VPS13A: variants seen among roughly 807,000 people sequenced by gnomAD.
The protein encoded by VPS13A is intermembrane lipid transfer protein VPS13A.
A neutral mutation model predicts 390.9 loss-of-function variants in VPS13A; 264 were observed. The ratio of observed to expected loss-of-function variants is 0.68; its 90% CI spans 0.61 to 0.75. The LOEUF is 0.75. Ranked by LOEUF, VPS13A falls within the 30% of genes least tolerant of loss-of-function variation. The pLI is 0.00. For synonymous variants in VPS13A, 1,231 were observed against 1,227.1 expected, an observed-to-expected ratio of 1.00 and a Z score of -0.07; for missense variants, 3,409 against 3,733.9, an observed-to-expected ratio of 0.91 and a Z score of 2.27.
At chr9:77,310,376 G>A (rs1829001070) in intron 35 of VPS13A, among the ~76,000 whole-genome samples, 1 of 152,146 alleles carries the variant, frequency 6.6e-6, no homozygotes, top group Non-Finnish European at 1.5e-5. Context: ...AAGAAAAATA[G>A]CATGAATTCC....
At chr9:77,367,897 G>A (rs537648037) in intron 61 of VPS13A, among the ~76,000 whole-genome samples, 158 bp from the exon 62 acceptor site, 2 of 152,290 alleles carry the variant, frequency 1.3e-5, no homozygotes, top group East Asian at 3.9e-4. Flanking sequence ...GATATGCAGA[G>A]ATGTATGTAA....
chr9:77,181,482 C>T (rs1477137873), intron 1 of VPS13A, among the ~76,000 whole-genome samples: 4 of 145,838 alleles, frequency 2.7e-5, no homozygotes, highest in Non-Finnish European at 4.5e-5. Context: ...CACCATTGCC[C>T]TCTAGCCTGG....
intron 23 of VPS13A, among the ~76,000 whole-genome samples, chr9:77,265,039 A>G (rs946843481): frequency 6.6e-6 from 1 of 152,204 alleles, no homozygotes; most frequent in South Asian, 2.1e-4. Flanking sequence ...CCTTTTCCGC[A>G]TCTATTGAGG....
chr9:77,310,401 A>T (rs764238990), intron 35 of VPS13A, among the ~76,000 whole-genome samples: 5 of 152,234 alleles, frequency 3.3e-5, no homozygotes, highest in Non-Finnish European at 7.3e-5. Context: ...AGTATGTAGG[A>T]TACAGAGTTA....
At chr9:77,264,829 C>T (rs552522917) in intron 23 of VPS13A, among the ~76,000 whole-genome samples, 1 of 152,306 alleles carries the variant, frequency 6.6e-6, no homozygotes, top group South Asian at 2.1e-4. Context: ...ACTTCCAATA[C>T]TATGTTGAAT....
At chr9:77,270,793 T>C (rs1826309220) in intron 23 of VPS13A, among the ~76,000 whole-genome samples, 1 of 152,248 alleles carries the variant, frequency 6.6e-6, no homozygotes, top group South Asian at 2.1e-4. Flanking sequence ...TTTCAACATA[T>C]GGTTCTGAAA....
intron 13 of VPS13A, 129 bp downstream of exon 13, chr9:77,221,485 T>C: frequency 2.9e-6 from 3 of 1,018,318 alleles, no homozygotes; most frequent in Non-Finnish European, 4.3e-6. Context: ...CTTAGACTTT[T>C]TTGTGCTTCT....
intron 1 of VPS13A, among the ~76,000 whole-genome samples, chr9:77,196,282 G>T (rs1824995817): frequency 6.6e-6 from 1 of 152,092 alleles, no homozygotes; most frequent in Non-Finnish European, 1.5e-5. Context: ...AAATCAAATT[G>T]GTATTTAGAA....
At chr9:77,391,559 T>C (rs984321126) in intron 68 of VPS13A, among the ~76,000 whole-genome samples, 6 of 152,200 alleles carry the variant, frequency 3.9e-5, no homozygotes, top group African/African-American at 1.4e-4. Flanking sequence ...ATGATGACTC[T>C]AATGAATTGT....
At chr9:77,255,842 T>C (rs1254785062) in intron 22 of VPS13A, among the ~76,000 whole-genome samples, 2 of 152,090 alleles carry the variant, frequency 1.3e-5, no homozygotes, top group Non-Finnish European at 2.9e-5. Context: ...GTAAAATGAG[T>C]AGTAATGTTA....
chr9:77,400,223 A>ATTTTTTTTTTTTTTTTTTTTTTTTTTT (rs34605855), intron 68 of VPS13A, among the ~76,000 whole-genome samples: 2 of 88,118 alleles, frequency 2.3e-5, no homozygotes, highest in African/African-American at 5.1e-5. Flanking sequence ...TATCAGTCAG[A>ATTTTTTTTTTTTTTTTTTTTTTTTTTT]TTTTTTTTTT....
At chr9:77,353,377 GTT>G (rs368165342) in intron 53 of VPS13A, 30 bp from the exon 54 acceptor site, 2,511 of 1,260,566 alleles carry the variant, frequency 2.0e-3, no homozygotes, top group Non-Finnish European at 2.2e-3. Flanking sequence ...TAATTTTTTG[GTT>G]TTTTTTTTTT....
chr9:77,291,601 G>T (rs1332201537), intron 31 of VPS13A, among the ~76,000 whole-genome samples: 1 of 152,084 alleles, frequency 6.6e-6, no homozygotes, highest in Non-Finnish European at 1.5e-5. Flanking sequence ...CTCAGATTTT[G>T]CTCCGTGCTG....
At chr9:77,366,956 G>A (rs930787194) in intron 61 of VPS13A, 84 bp downstream of exon 61, 1 of 1,429,482 alleles carries the variant, frequency 7.0e-7, no homozygotes, top group African/African-American at 1.4e-5. Flanking sequence ...GAAAAAGTGT[G>A]TGAAGTACGT....
chr9:77,347,975 A>G (rs1831246134), intron 52 of VPS13A, among the ~76,000 whole-genome samples: 1 of 152,176 alleles, frequency 6.6e-6, no homozygotes, highest in Non-Finnish European at 1.5e-5. Flanking sequence ...AAGAAACAAC[A>G]GATGATGGCA....
At chr9:77,283,730 C>T (rs1016559587) in intron 31 of VPS13A, 80 bp downstream of exon 31, 1 of 1,197,634 alleles carries the variant, frequency 8.3e-7, no homozygotes, top group African/African-American at 1.5e-5. Context: ...ATCATTTGGA[C>T]ATTTGTCAGA....
chr9:77,217,040 A>G (rs541883413), intron 10 of VPS13A, among the ~76,000 whole-genome samples: 37 of 152,294 alleles, frequency 2.4e-4, no homozygotes, highest in Non-Finnish European at 4.9e-4. Flanking sequence ...TGGCAACACC[A>G]TCAGACACAC....
chr9:77,266,245 G>A (rs1053349743), intron 23 of VPS13A, among the ~76,000 whole-genome samples: 2 of 152,214 alleles, frequency 1.3e-5, no homozygotes, highest in Non-Finnish European at 2.9e-5. Flanking sequence ...ATGTGATGTG[G>A]TTCTGAGAAG....
At chr9:77,297,214 ATTTCT>A (rs1340856441) in intron 33 of VPS13A, among the ~76,000 whole-genome samples, 1 of 151,684 alleles carries the variant, frequency 6.6e-6, no homozygotes, top group African/African-American at 2.4e-5. Flanking sequence ...GATTTGAAAC[ATTTCT>A]TCTTTTCTAA....
Sources: allele counts gnomAD v4.1 joint callset (sites outside exome capture counted in the v4.1 genomes callset), GRCh38; gene constraint gnomAD v4.1.1; transcripts MANE v1.5; gene names NCBI Gene and HGNC (gene_info 2026-07-23, HGNC 2026-07-21).